The following DCC variants were observed in gnomAD, a reference collection of about 807,000 sequenced individuals.
DCC encodes DCC netrin 1 receptor, also known as netrin receptor DCC.
A neutral mutation model predicts 172.5 loss-of-function variants in DCC; 58 were observed. The ratio of observed to expected loss-of-function variants is 0.34; its 90% CI spans 0.27 to 0.42. DCC has a LOEUF of 0.42. Ranked by LOEUF, DCC falls within the 10% of genes least tolerant of loss-of-function variation. The pLI is 1.00. For missense variants in DCC, 1,740 were observed against 1,791.0 expected, an observed-to-expected ratio of 0.97 and a Z score of 0.51; for synonymous variants, 709 against 644.5, an observed-to-expected ratio of 1.10 and a Z score of -1.52.
intron 1 of DCC, among the ~76,000 whole-genome samples, chr18:52,489,488 G>A (rs1461068483): frequency 6.6e-6 from 1 of 152,104 alleles, no homozygotes; most frequent in Non-Finnish European, 1.5e-5. Flanking sequence ...GTTATATGCT[G>A]AGATCTCAAA....
chr18:53,285,365 G>T (rs368317386), intron 12 of DCC, among the ~76,000 whole-genome samples: 1 of 152,174 alleles, frequency 6.6e-6, no homozygotes, highest in African/African-American at 2.4e-5. Flanking sequence ...CACTCCAGCC[G>T]TGACTAAAAG....
chr18:52,844,438 C>G (rs1409690342), intron 2 of DCC, among the ~76,000 whole-genome samples: 2 of 152,186 alleles, frequency 1.3e-5, no homozygotes, highest in African/African-American at 4.8e-5. Flanking sequence ...CTCATTAATA[C>G]ATGATCCTCT....
intron 18 of DCC, among the ~76,000 whole-genome samples, chr18:53,397,913 G>A (rs1423067053): frequency 6.6e-6 from 1 of 152,186 alleles, no homozygotes; most frequent in Non-Finnish European, 1.5e-5. Flanking sequence ...ATGGGAAGGA[G>A]TTTCCAGGTG....
intron 3 of DCC, among the ~76,000 whole-genome samples, chr18:52,911,637 A>G (rs1388610950): frequency 2.0e-5 from 3 of 152,028 alleles, no homozygotes; most frequent in Non-Finnish European, 4.4e-5. Flanking sequence ...TTTTTGAGCA[A>G]TGAATACACT....
intron 2 of DCC, among the ~76,000 whole-genome samples, chr18:52,870,541 G>T (rs1010413244): frequency 6.6e-6 from 1 of 152,156 alleles, no homozygotes; most frequent in Non-Finnish European, 1.5e-5. Flanking sequence ...TATTCCGGAG[G>T]CCGTAGGATT....
chr18:52,700,330 T>C (rs1394192086), intron 1 of DCC, among the ~76,000 whole-genome samples: 2 of 143,370 alleles, frequency 1.4e-5, no homozygotes, highest in East Asian at 2.1e-4. Flanking sequence ...ACTCACGGAA[T>C]GCACACCCAT....
Position 52,787,896 on chromosome 18 carries a change from T to C in DCC, c.412+35522T>C, listed in dbSNP as rs578078092. Among the ~76,000 whole-genome samples the C allele has an allele frequency of 7.5e-4, 114 of 152,280 alleles. 4 individuals carry two copies. In the South Asian group the frequency reaches 0.022, roughly 29 times the overall value. On this transcript the variant is annotated intron_variant, in intron 2 of 28. Transcript: ENST00000442544. ...CCAAATTTTTACCCTTGCATTAGTT[T>C]ATTAATGTTAACCCCAATGTTTAAT...
At chr18:52,798,005 G>A (rs62083279) in intron 2 of DCC, among the ~76,000 whole-genome samples, 3,845 of 142,794 alleles carry the variant, frequency 0.027, 69 homozygotes, top group Middle Eastern at 0.086. Flanking sequence ...GGTGCCTTTG[G>A]AGGGCAGGGA....
intron 7 of DCC, among the ~76,000 whole-genome samples, chr18:53,154,840 A>T (rs2054703053): frequency 6.6e-6 from 1 of 152,142 alleles, no homozygotes; most frequent in Non-Finnish European, 1.5e-5. Flanking sequence ...CCAGTGTGTT[A>T]GTCTTAGCTG....
At chr18:52,390,971 T>A (rs72916979) in intron 1 of DCC, among the ~76,000 whole-genome samples, 13,670 of 152,134 alleles carry the variant, frequency 0.09, 763 homozygotes, top group South Asian at 0.16. Context: ...ATCATCTTCT[T>A]GCCTTTCACA....
intron 5 of DCC, among the ~76,000 whole-genome samples, chr18:53,062,645 C>G (rs1248991652): frequency 1.3e-5 from 2 of 152,096 alleles, no homozygotes; most frequent in African/African-American, 4.8e-5. Flanking sequence ...TTGCAAATTT[C>G]CATCATAGAG....
intron 13 of DCC, among the ~76,000 whole-genome samples, chr18:53,308,462 AATATT>A (rs200758336): frequency 0.019 from 2,665 of 142,848 alleles, 36 homozygotes; most frequent in Middle Eastern, 0.033. Flanking sequence ...ATAAGTTAAA[AATATT>A]ACAATTTTTG....
At chr18:53,493,271 C>G (rs915190561) in intron 26 of DCC, among the ~76,000 whole-genome samples, 2 of 152,134 alleles carry the variant, frequency 1.3e-5, no homozygotes, top group African/African-American at 4.8e-5. Flanking sequence ...CTTCTGCAAA[C>G]AGAGACAATT....
chr18:53,048,986 T>A (rs542402794), intron 5 of DCC, among the ~76,000 whole-genome samples: 1 of 152,284 alleles, frequency 6.6e-6, no homozygotes, highest in East Asian at 1.9e-4. Context: ...TGTCTTCTTT[T>A]GAACAGTGTC....
chr18:53,500,362 A>G (rs2046081911), intron 27 of DCC, among the ~76,000 whole-genome samples: 1 of 152,160 alleles, frequency 6.6e-6, no homozygotes, highest in Non-Finnish European at 1.5e-5. Context: ...TCCTCAGTAT[A>G]TCAGGCATAA....
intron 1 of DCC, among the ~76,000 whole-genome samples, chr18:52,700,201 TACACACATGCACATGTGC>T (rs144670638): frequency 0.46 from 64,520 of 140,942 alleles, 13,667 homozygotes; most frequent in Non-Finnish European, 0.48. Flanking sequence ...CACACGCACA[TACACACATGCACATGTGC>T]ACACACATGC....
intron 21 of DCC, among the ~76,000 whole-genome samples, chr18:53,420,100 C>T (rs1353000892): frequency 6.6e-6 from 1 of 152,136 alleles, no homozygotes; most frequent in Non-Finnish European, 1.5e-5. Flanking sequence ...TGTGATCCGC[C>T]TGTCTTGGCC....
Position 53,526,635 on chromosome 18 carries a change from C to G in DCC, c.4130C>G (p.Thr1377Ser). ...ATTTCAGGGCCCACTCTTCCTAAGA[C>G]CCATGTGAAAACAGCCTCCCTTGGG... Reference protein sequence around the residue: ...LSQPGPTLPKTHVKTASLGLA... With the variant: ...LSQPGPTLPKSHVKTASLGLA... Residue 1377 changes from threonine to serine, a missense_variant, in exon 28 of 29, where the codon ACC (threonine) becomes AGC (serine). Thr to Ser is a moderately conservative substitution (Grantham distance 58). Around this residue, in one of 2 missense-constraint regions of DCC, gnomAD observed 1,732 missense variants for 1,767.4 expected, o/e 0.98. Transcript: ENST00000442544. The G allele has an allele frequency of 6.2e-7, 1 of 1,613,486 alleles. No homozygotes were observed. Among genetic ancestry groups the G allele is most frequent in the African/African-American group, 1.3e-5 (1 of 74,982 alleles).
intron 28 of DCC, among the ~76,000 whole-genome samples, chr18:53,528,258 A>G (rs2046481631): frequency 6.6e-6 from 1 of 152,160 alleles, no homozygotes; most frequent in African/African-American, 2.4e-5. Context: ...TTAACGACAT[A>G]GAGATCAGGG....
Sources: allele counts gnomAD v4.1 joint callset (sites outside exome capture counted in the v4.1 genomes callset), GRCh38; gene constraint gnomAD v4.1.1; regional missense constraint gnomAD v4.1.1; transcripts MANE v1.5; gene names NCBI Gene and HGNC (gene_info 2026-07-23, HGNC 2026-07-21).